TRPM2: variants seen among roughly 807,000 people sequenced by gnomAD.
TRPM2 encodes the protein estrogen-responsive element-associated gene 1 protein.
Under a neutral mutation model 174.0 loss-of-function variants are expected in TRPM2, and 161 were observed. The observed-to-expected ratio is 0.93, with a 90% CI of 0.81 to 1.05. The LOEUF (loss-of-function observed/expected upper bound fraction) is 1.05. Ranked by LOEUF, TRPM2 falls within the 50% of genes least tolerant of loss-of-function variation. The probability of loss-of-function intolerance (pLI) is 0.00; values close to 1 mark genes in which losing one functional copy is unlikely to be tolerated. For synonymous variants in TRPM2, 954 were observed against 861.3 expected, an observed-to-expected ratio of 1.11 and a Z score of -1.88; for missense variants, 2,057 against 2,038.0, an observed-to-expected ratio of 1.01 and a Z score of -0.18.
chr21:44,375,279 G>C lies in TRPM2; in HGVS notation c.772-554G>C, dbSNP rs115219585. ...GGACGTTGAGACGTTTTCCATTCAT[G>C]GTGCTTCTAAATCCTCCCGTCGTCT... On this transcript the variant is annotated intron_variant, in intron 5 of 31. Coordinates refer to ENST00000397928, the MANE Select transcript of TRPM2 (RefSeq NM_003307.4). Among the ~76,000 whole-genome samples, 340 of 152,316 alleles carry C rather than the reference G, an allele frequency of 2.2e-3. 2 individuals are homozygous for C. Among genetic ancestry groups the C allele is most frequent in the Middle Eastern group, 0.01 (3 of 294 alleles).
chr21:44,400,414 G>A, intron 15 of TRPM2, 43 bp downstream of exon 15: 1 of 1,553,350 alleles, frequency 6.4e-7, no homozygotes, highest in African/African-American at 1.3e-5. Context: ...GGGCTGCGGG[G>A]CTGCGGGAGA....
chr21:44,421,804 A>T (rs191150099), intron 22 of TRPM2, among the ~76,000 whole-genome samples: 3 of 152,160 alleles, frequency 2.0e-5, no homozygotes, highest in African/African-American at 7.2e-5. Flanking sequence ...GGTGGTGCAC[A>T]TGGGGTCAGA....
intron 5 of TRPM2, among the ~76,000 whole-genome samples, chr21:44,375,608 C>A (rs1378676751): frequency 6.6e-6 from 1 of 152,220 alleles, no homozygotes; most frequent in African/African-American, 2.4e-5. Context: ...CCCCCACCAC[C>A]TCTCTCCTGT....
intron 11 of TRPM2, among the ~76,000 whole-genome samples, chr21:44,392,407 G>A (rs756343586): frequency 7.3e-5 from 11 of 150,722 alleles, no homozygotes; most frequent in Non-Finnish European, 1.5e-4. Flanking sequence ...ATAGGCATGT[G>A]CCACCACACC....
chr21:44,372,847 G>A (rs1016944012), intron 5 of TRPM2, among the ~76,000 whole-genome samples: 2 of 152,162 alleles, frequency 1.3e-5, no homozygotes, highest in African/African-American at 4.8e-5. Flanking sequence ...CTGTGTCCAC[G>A]GCCCTGCCTT....
Position 44,438,645 on chromosome 21 carries a change from G to A in TRPM2, c.4168-422G>A, listed in dbSNP as rs1057465024. 6.6e-6 allele frequency among the ~76,000 whole-genome samples: 1 copy of A among 152,194 alleles called. No individual in the cohort carries two copies. Among genetic ancestry groups the A allele is most frequent in the Non-Finnish European group, 1.5e-5 (1 of 68,020 alleles). On this transcript the variant is annotated intron_variant, in intron 29 of 31. Transcript: ENST00000397928. The surrounding 1 kb of genome is among the most constrained non-coding windows in gnomAD (Gnocchi z 5.9). ...GGGAGCCCAGCCAGCCGCAGCACAG[G>A]CCGGGGTGGGACTGGGAGAGACGGG... is the stretch of plus-strand genomic sequence containing the variant.
intron 19 of TRPM2, among the ~76,000 whole-genome samples, chr21:44,412,441 C>G (rs998589235): frequency 1.3e-5 from 2 of 151,864 alleles, no homozygotes; most frequent in Non-Finnish European, 2.9e-5. Flanking sequence ...GTAGTAATAT[C>G]CTCTCTTTCA....
chr21:44,422,325 T>C (rs1915728995), intron 22 of TRPM2: 1 of 1,535,970 alleles, frequency 6.5e-7, no homozygotes, highest in South Asian at 1.2e-5. Context: ...ATCTAGACAG[T>C]TCCTGCATCT....
chr21:44,377,817 G>T, intron 7 of TRPM2, 44 bp downstream of exon 7: 1 of 1,607,160 alleles, frequency 6.2e-7, no homozygotes, highest in Non-Finnish European at 8.5e-7. Context: ...GGCCCGTCCT[G>T]CTGCAGGCAG....
intron 7 of TRPM2, 56 bp downstream of exon 7, chr21:44,377,829 T>C: frequency 1.9e-6 from 3 of 1,595,468 alleles, no homozygotes; most frequent in Non-Finnish European, 2.6e-6. Flanking sequence ...TGCAGGCAGA[T>C]GACTGTCCAA....
chr21:44,356,228 G>A (rs1205517661), intron 2 of TRPM2, among the ~76,000 whole-genome samples: 1 of 148,810 alleles, frequency 6.7e-6, no homozygotes, highest in Non-Finnish European at 1.5e-5. Flanking sequence ...TTTAGTCTGC[G>A]TTTGGCTGAA....
chr21:44,396,554 G>GA, intron 12 of TRPM2, among the ~76,000 whole-genome samples: 1 of 31,844 alleles, frequency 3.1e-5, no homozygotes, highest in African/African-American at 1.8e-4. Context: ...GAGGGGTGTG[G>GA]AGGCTGTGAA....
chr21:44,440,304 C>CA (rs1555907336), intron 30 of TRPM2, among the ~76,000 whole-genome samples: 35 of 41,318 alleles, frequency 8.5e-4, no homozygotes, highest in Non-Finnish European at 1.7e-3. Flanking sequence ...CCACTGCGCT[C>CA]AAAAAAAAAA....
intron 20 of TRPM2, 55 bp from the exon 21 acceptor site, chr21:44,417,872 G>T: frequency 1.3e-6 from 2 of 1,562,634 alleles, no homozygotes; most frequent in Non-Finnish European, 1.7e-6. Flanking sequence ...GGTGAGAGGG[G>T]TCTGTTCTGG....
chr21:44,369,201 C>T lies in TRPM2; in HGVS notation c.629C>T (p.Ser210Phe), dbSNP rs773017207. 6.2e-7 allele frequency: 1 copy of T among 1,611,844 alleles called. No individual in the cohort carries two copies. Among genetic ancestry groups the T allele is most frequent in the Non-Finnish European group, 8.5e-7 (1 of 1,179,160 alleles). The change falls in exon 5 of 32, where the codon TCC (serine) becomes TTC (phenylalanine). Residue 210 changes from serine to phenylalanine, a missense_variant. Ser to Phe is a radical substitution (Grantham distance 155). Transcript: ENST00000397928. ...GGGGCCTGGATCATCACAGGGGGGT[C>T]CCACACCGGCGTCATGAAGCAGGTA... ...TTGAWIITGG[S>F]HTGVMKQVGE... is the part of the protein sequence containing the mutation.
chr21:44,393,554 A>G (rs564902967), intron 11 of TRPM2, among the ~76,000 whole-genome samples: 138 of 152,290 alleles, frequency 9.1e-4, no homozygotes, highest in African/African-American at 3.2e-3. Context: ...TGTAAAAACC[A>G]TTTGGGAAGC....
At chr21:44,383,937 C>T (rs1224153612) in intron 9 of TRPM2, among the ~76,000 whole-genome samples, 1 of 151,968 alleles carries the variant, frequency 6.6e-6, no homozygotes, top group Non-Finnish European at 1.5e-5. Flanking sequence ...AACTTTACAA[C>T]TTAAGTAATT....
At chr21:44,377,624 C>T (rs776174103) in intron 6 of TRPM2, 88 bp from the exon 7 acceptor site, 90 of 1,560,618 alleles carry the variant, frequency 5.8e-5, no homozygotes, top group Middle Eastern at 2.1e-4. Flanking sequence ...TCCCCTCACT[C>T]GGCTCCATGC....
chr21:44,362,860 A>C (rs2048255370), intron 2 of TRPM2, among the ~76,000 whole-genome samples: 1 of 151,788 alleles, frequency 6.6e-6, no homozygotes, highest in South Asian at 2.1e-4. Context: ...TGCAACTTCC[A>C]TCTCCTGGGT....
Sources: gnomAD v4.1 joint callset for allele counts (sites outside exome capture counted in the v4.1 genomes callset) on GRCh38, gnomAD v4.1.1 for gene constraint, Gnocchi (gnomAD v3.1) non-coding constraint, MANE v1.5 for transcripts, NCBI Gene and HGNC (gene_info 2026-07-23, HGNC 2026-07-21) for gene names.